POFUT1: variants seen among roughly 807,000 people sequenced by gnomAD.
The protein encoded by POFUT1 is GDP-fucose protein O-fucosyltransferase 1.
A neutral mutation model predicts 42.4 loss-of-function variants in POFUT1; 16 were observed. The observed-to-expected ratio is 0.38, with a 90% CI of 0.26 to 0.57. The LOEUF is 0.57. POFUT1 is among the 20% of genes least tolerant of loss of function. The pLI, the probability that POFUT1 is intolerant of heterozygous loss-of-function variation, is 0.71. For synonymous variants in POFUT1, 206 were observed against 205.4 expected (o/e 1.00, Z -0.03); for missense variants, 470 against 504.6 (o/e 0.93, Z 0.66).
intron 1 of POFUT1, among the ~76,000 whole-genome samples, chr20:32,208,758 C>T (rs1005085673): frequency 7.2e-5 from 11 of 151,758 alleles, no homozygotes; most frequent in Non-Finnish European, 1.3e-4. Context: ...TCTCTTGAGC[C>T]GAGGAATTCG....
rs2047472124 is a variant in POFUT1, at chr20:32,236,600, CT to C, written c.*1940del. ...GTTCTGTGAGCTAGCACTTTTTCCT[CT>C]GACCCAATTTTCTTACCTATAAAAT... is the stretch of plus-strand genomic sequence containing the variant. On this transcript the variant is annotated 3_prime_UTR_variant, in exon 7 of 7. Coordinates refer to ENST00000375749, the MANE Select transcript of POFUT1 (RefSeq NM_015352.2). The C allele has an allele frequency of 6.6e-6, 1 of 152,330 alleles. No homozygotes were observed. Among genetic ancestry groups the C allele is most frequent in the East Asian group, 1.9e-4 (1 of 5,182 alleles). 9.4% of individuals were successfully genotyped at this position (152,330 alleles called of 1,614,324 possible).
chr20:32,228,735 A>G (rs2047427664), intron 5 of POFUT1, among the ~76,000 whole-genome samples: 1 of 152,340 alleles, frequency 6.6e-6, no homozygotes, highest in East Asian at 1.9e-4. Flanking sequence ...AGCAAGCCAT[A>G]AAGAGGCCAC....
In POFUT1 at chr20:32,215,296, A is replaced by G; in HGVS notation, c.274A>G (p.Lys92Glu). ...CCATGTGTCCTACCAGAAGTACTTCAAGCTGGAGCCCCTCCAGGCTTACCA... is the reference window on the plus strand; with the variant it reads ...CCATGTGTCCTACCAGAAGTACTTCGAGCTGGAGCCCCTCCAGGCTTACCA... ...NLHVSYQKYF[K>E]LEPLQAYHRV... The change falls in exon 3 of 7, where the codon AAG (lysine) becomes GAG (glutamate). Residue 92 changes from lysine (K) to glutamate (E), a missense_variant. Coordinates refer to ENST00000375749, the MANE Select transcript of POFUT1 (RefSeq NM_015352.2). The G allele has an allele frequency of 6.2e-7, 1 of 1,612,938 alleles. No homozygotes were observed. The highest frequency in any genetic ancestry group is 8.5e-7 in the Non-Finnish European group (1 of 1,179,004).
intron 4 of POFUT1, chr20:32,216,961 T>C: frequency 6.2e-7 from 1 of 1,608,772 alleles, no homozygotes; most frequent in Non-Finnish European, 8.5e-7. Context: ...AGGGATGTCA[T>C]AAAAAGAACA....
chr20:32,223,255 C>T (rs2047399361), intron 4 of POFUT1: 1 of 985,324 alleles, frequency 1.0e-6, no homozygotes, highest in South Asian at 4.7e-5. Flanking sequence ...GGAGGTGGTG[C>T]TGGTCAAGAT....
chr20:32,212,873 C>T (rs928807930), intron 2 of POFUT1, among the ~76,000 whole-genome samples: 1 of 151,802 alleles, frequency 6.6e-6, no homozygotes, highest in Non-Finnish European at 1.5e-5. Context: ...AAAGCCACTG[C>T]GCCCAGCCAG....
chr20:32,229,964 G>T (rs1217522894), intron 5 of POFUT1, among the ~76,000 whole-genome samples: 2 of 152,158 alleles, frequency 1.3e-5, no homozygotes, highest in East Asian at 3.9e-4. Flanking sequence ...TTTTTGTAGA[G>T]ATGGGGTTTT....
intron 6 of POFUT1, chr20:32,231,449 C>A (rs767923289): frequency 7.0e-6 from 2 of 285,364 alleles, no homozygotes; most frequent in African/African-American, 4.4e-5. Flanking sequence ...GGTGCTTCGA[C>A]CTCTTTGGGA....
At chr20:32,225,717 T>A (rs887593998) in intron 4 of POFUT1, among the ~76,000 whole-genome samples, 2 of 152,020 alleles carry the variant, frequency 1.3e-5, no homozygotes, top group African/African-American at 4.8e-5. Context: ...CTTGAACTCC[T>A]GGGCTCAAGT....
At chr20:32,210,431 G>T (rs530436236) in intron 2 of POFUT1, among the ~76,000 whole-genome samples, 2 of 152,160 alleles carry the variant, frequency 1.3e-5, no homozygotes, top group Non-Finnish European at 2.9e-5. Context: ...AGGAAACCGG[G>T]GTTTACAGAG....
rs987079648 is a variant in POFUT1, at chr20:32,236,717, C to A, written c.*2056C>A. The A allele has an allele frequency of 1.3e-5, 2 of 152,186 alleles. No individual in the cohort carries two copies. The highest frequency in any genetic ancestry group is 4.8e-5 in the African/African-American group (2 of 41,436). The allele number at this position is 152,186 out of a possible 1,614,324, so 9.4% of individuals were successfully genotyped here. A position where few individuals can be genotyped will look rare whatever the true frequency, so the allele number is the denominator to read the frequency against. On this transcript the variant is annotated 3_prime_UTR_variant, in exon 7 of 7. Transcript: ENST00000375749. The stretch of plus-strand genomic sequence containing the variant: ...TGTAAACTTGAAAGAGACAAAGGCA[C>A]AAATGTGGCTGTTGATTAATTTGAC...
intron 4 of POFUT1, among the ~76,000 whole-genome samples, chr20:32,219,821 A>C (rs1481033488): frequency 6.6e-6 from 1 of 152,044 alleles, no homozygotes; most frequent in Non-Finnish European, 1.5e-5. Context: ...ATTATTTCTC[A>C]TGGGACTGTG....
At chr20:32,223,716 A>C in intron 4 of POFUT1, 1 of 983,700 alleles carries the variant, frequency 1.0e-6, no homozygotes, top group Non-Finnish European at 1.2e-6. Context: ...AATCTTTCTC[A>C]TTTATTCTAA....
chr20:32,232,306 TAAAA>T (rs946852088), intron 6 of POFUT1, among the ~76,000 whole-genome samples: 13 of 143,308 alleles, frequency 9.1e-5, no homozygotes, highest in African/African-American at 3.3e-4. Flanking sequence ...CATCTCTATT[TAAAA>T]AAAAGAAAGA....
chr20:32,215,356 C>T lies in POFUT1; in HGVS notation c.334C>T (p.Leu112=), dbSNP rs762482199. 8 of 1,614,004 alleles carry T rather than the reference C, an allele frequency of 5.0e-6. No individual in the cohort carries two copies. The Admixed American group carries it at 1.3e-4, about 27-fold the overall frequency. ...VISLEDFMEK[L]APTHWPPEKR... The stretch of plus-strand genomic sequence containing the variant: ...CAGCTTGGAGGATTTCATGGAGAAG[C>T]TGGCACCCACCCACTGGCCCCCTGA... Residue 112 remains leucine, a synonymous_variant, in exon 3 of 7, where the codon CTG becomes TTG. Transcript: ENST00000375749.
rs141494547 is a variant in POFUT1 at position 32,227,249 on chromosome 20, T to C, written c.543-1014T>C. On this transcript the variant is annotated intron_variant, in intron 4 of 6. Coordinates refer to ENST00000375749, the MANE Select transcript of POFUT1 (RefSeq NM_015352.2). ...GTCAAGAAGTATTGACCGGGCGCGG[T>C]GGCCCACACCTGTAATCCCAACACT... 5.7e-3 allele frequency among the ~76,000 whole-genome samples: 869 copies of C among 152,248 alleles called. 10 individuals are homozygous for C. The highest frequency in any genetic ancestry group is 0.02 in the African/African-American group (837 of 41,540).
intron 5 of POFUT1, among the ~76,000 whole-genome samples, chr20:32,230,601 A>G (rs2047437754): frequency 6.6e-6 from 1 of 151,608 alleles, no homozygotes; most frequent in African/African-American, 2.4e-5. Context: ...AGGCTGAGGC[A>G]GGAGAATTGC....
rs1364963656 is a variant in POFUT1, at chr20:32,236,687, C to T, written c.*2026C>T. 5 of 152,184 alleles carry T rather than the reference C, an allele frequency of 3.3e-5. No individual in the cohort carries two copies. The East Asian group carries it at 9.6e-4, about 29-fold the overall frequency. 9.4% of individuals were successfully genotyped at this position (152,184 alleles called of 1,614,324 possible). A position where few individuals can be genotyped will look rare whatever the true frequency, so the allele number is the denominator to read the frequency against. ...ATCAGCTAAAGCATGTATATAAGAGCACGTTGTAAACTTGAAAGAGACAAA... is the reference window on the plus strand; with the variant it reads ...ATCAGCTAAAGCATGTATATAAGAGTACGTTGTAAACTTGAAAGAGACAAA... On this transcript the variant is annotated 3_prime_UTR_variant, in exon 7 of 7. Coordinates refer to ENST00000375749, the MANE Select transcript of POFUT1 (RefSeq NM_015352.2).
chr20:32,232,773 C>T (rs6058570), intron 6 of POFUT1, among the ~76,000 whole-genome samples: 8,042 of 151,948 alleles, frequency 0.053, 778 homozygotes, highest in African/African-American at 0.18. Flanking sequence ...ACACCTTGAA[C>T]CTCTTGCCAT....
Sources: gnomAD v4.1 joint callset for allele counts (sites outside exome capture counted in the v4.1 genomes callset) on GRCh38, gnomAD v4.1.1 for gene constraint, MANE v1.5 for transcripts, NCBI Gene and HGNC (gene_info 2026-07-23, HGNC 2026-07-21) for gene names.